The following CUX2 variants were observed in gnomAD, a reference collection of about 807,000 sequenced individuals.
The protein encoded by CUX2 is homeobox protein cut-like 2.
Under a neutral mutation model 144.8 loss-of-function variants are expected in CUX2, and 40 were observed. That is an observed-to-expected ratio of 0.28 (90% CI 0.21 to 0.36). The LOEUF is 0.36. CUX2 is among the 10% of genes least tolerant of loss of function. The pLI, the probability that CUX2 is intolerant of heterozygous loss-of-function variation, is 1.00. For missense variants in CUX2, 1,615 were observed against 1,994.0 expected (o/e 0.81, Z 3.62); for synonymous variants, 827 against 875.6 (o/e 0.94, Z 0.98).
At chr12:111,231,361 T>TGGTA (rs1222892424) in intron 3 of CUX2, among the ~76,000 whole-genome samples, 1 of 152,224 alleles carries the variant, frequency 6.6e-6, no homozygotes, top group Non-Finnish European at 1.5e-5. Flanking sequence ...TTCACACATG[T>TGGTA]GGTATTACAT....
At chr12:111,183,812 C>A (rs899401613) in intron 1 of CUX2, among the ~76,000 whole-genome samples, 3 of 152,152 alleles carry the variant, frequency 2.0e-5, no homozygotes, top group African/African-American at 7.2e-5. Flanking sequence ...GGGAGTCCCA[C>A]CACCCCCTGC....
intron 1 of CUX2, among the ~76,000 whole-genome samples, chr12:111,141,134 TAAC>T (rs1371166096): frequency 6.6e-6 from 1 of 151,920 alleles, no homozygotes; most frequent in African/African-American, 2.4e-5. Flanking sequence ...GCCGGAAAAA[TAAC>T]AATCTCAGTG....
At chr12:111,332,422 T>G (rs1178569574) in intron 18 of CUX2, among the ~76,000 whole-genome samples, 3 of 152,094 alleles carry the variant, frequency 2.0e-5, no homozygotes, top group African/African-American at 2.4e-5. Flanking sequence ...CATGAGCCAC[T>G]GCACCCGGCC....
At position 111,160,554 on chromosome 12, in the gene CUX2, T is replaced by C. The variant is rs1373976337; in HGVS notation, c.64-53646T>C. On this transcript the variant is annotated intron_variant, in intron 1 of 21. Transcript: ENST00000261726. This position sits in a 1 kb window ranked among gnomAD's most constrained non-coding sequence, Gnocchi z 4.1. ...GACCCGGCACAGAGGGGGCGCGAGA[T>C]GCGAGCAGGGAGCAGGGTGGCACTT... Among the ~76,000 whole-genome samples the C allele has an allele frequency of 6.6e-6, 1 of 152,114 alleles. No homozygotes were observed. The highest frequency in any genetic ancestry group is 6.5e-5 in the Admixed American group (1 of 15,278).
intron 1 of CUX2, among the ~76,000 whole-genome samples, chr12:111,209,405 T>G (rs1440500081): frequency 6.6e-6 from 1 of 152,140 alleles, no homozygotes; most frequent in African/African-American, 2.4e-5. Context: ...AAAAAAATTT[T>G]GTAATTCACT....
chr12:111,183,953 T>C (rs1879351820), intron 1 of CUX2, among the ~76,000 whole-genome samples: 1 of 152,210 alleles, frequency 6.6e-6, no homozygotes, highest in Admixed American at 6.5e-5. Context: ...TGCTACCTAT[T>C]GTCACCTATT....
At position 111,061,145 on chromosome 12, in the gene CUX2, G is replaced by A. The variant is rs79699192; in HGVS notation, c.63+26905G>A. 0.028 allele frequency among the ~76,000 whole-genome samples: 4,169 copies of A among 151,080 alleles called. 208 individuals carry two copies. Among genetic ancestry groups the A allele is most frequent in the African/African-American group, 0.097 (3,976 of 40,992 alleles). ...GCCGCTGATCAGTGAGTCTCTGCAGGCCCAAGCTGTCCCCAGATGTGTGCA... is the reference window on the plus strand; with the variant it reads ...GCCGCTGATCAGTGAGTCTCTGCAGACCCAAGCTGTCCCCAGATGTGTGCA... On this transcript the variant is annotated intron_variant, in intron 1 of 21. Coordinates refer to ENST00000261726, the MANE Select transcript of CUX2 (RefSeq NM_015267.4). This position sits in a 1 kb window ranked among gnomAD's most constrained non-coding sequence, Gnocchi z 4.2.
intron 1 of CUX2, among the ~76,000 whole-genome samples, chr12:111,142,758 C>A (rs563376217): frequency 6.6e-6 from 1 of 152,188 alleles, no homozygotes; most frequent in East Asian, 1.9e-4. Flanking sequence ...ATCGAGGAAC[C>A]CTGAAACTCC....
intron 1 of CUX2, among the ~76,000 whole-genome samples, chr12:111,080,218 T>G (rs1871803034): frequency 6.6e-6 from 1 of 152,110 alleles, no homozygotes. Context: ...CACAGGCTTC[T>G]CCAGCCACCC....
At position 111,087,416 on chromosome 12, in the gene CUX2, T is replaced by C. The variant is rs537835229; in HGVS notation, c.63+53176T>C. On this transcript the variant is annotated intron_variant, in intron 1 of 21. Transcript: ENST00000261726. ...AAAAGAAAGAAAAGAAAGAAAATGC[T>C]ATGAAGAAGAAGTCACCAGAGTTTT... 3.7e-4 allele frequency among the ~76,000 whole-genome samples: 54 copies of C among 145,834 alleles called. 1 individual carries two copies. The highest frequency in any genetic ancestry group is 1.3e-3 in the African/African-American group (51 of 39,642).
At chr12:111,182,798 G>T (rs1375067270) in intron 1 of CUX2, among the ~76,000 whole-genome samples, 3 of 152,164 alleles carry the variant, frequency 2.0e-5, no homozygotes, top group Non-Finnish European at 4.4e-5. Flanking sequence ...TGGGACAGTG[G>T]TCCCTGAGCC....
chr12:111,178,970 C>G lies in CUX2; in HGVS notation c.64-35230C>G, dbSNP rs1268915259. 6.6e-6 allele frequency among the ~76,000 whole-genome samples: 1 copy of G among 152,148 alleles called. No individual in the cohort carries two copies. Among genetic ancestry groups the G allele is most frequent in the Non-Finnish European group, 1.5e-5 (1 of 68,022 alleles). On this transcript the variant is annotated intron_variant, in intron 1 of 21. Transcript: ENST00000261726. This position sits in a 1 kb window ranked among gnomAD's most constrained non-coding sequence, Gnocchi z 5.7. ...AGCAGGGCTGAGAGAGGCCTGGGAG[C>G]AGACTGTGCAGGACCACACAGGGCC... is the stretch of plus-strand genomic sequence containing the variant.
At position 111,304,339 on chromosome 12, in the gene CUX2, G is replaced by A; in HGVS notation, c.858+25G>A. ...GGTAAGGATGGGGTTGGGGAAGTGAGCAGGGAGGGCAGAGGGAAAGATCGG... is the reference window on the plus strand; with the variant it reads ...GGTAAGGATGGGGTTGGGGAAGTGAACAGGGAGGGCAGAGGGAAAGATCGG... On this transcript the variant is annotated intron_variant, in intron 10 of 21. Transcript: ENST00000261726. The surrounding 1 kb of genome is among the most constrained non-coding windows in gnomAD (Gnocchi z 4.7). 6.3e-7 allele frequency: 1 copy of A among 1,579,086 alleles called. No individual in the cohort carries two copies. The highest frequency in any genetic ancestry group is 1.7e-5 in the Admixed American group (1 of 58,604).
chr12:111,121,377 T>TTC (rs1874669670), intron 1 of CUX2, among the ~76,000 whole-genome samples: 1 of 126,496 alleles, frequency 7.9e-6, no homozygotes, highest in African/African-American at 3.4e-5. Flanking sequence ...TTCTTTTTTT[T>TTC]TTTTTTTTTT....
rs187445765 is a variant in CUX2 at position 111,177,645 on chromosome 12, C to T, written c.64-36555C>T. On this transcript the variant is annotated intron_variant, in intron 1 of 21. Transcript: ENST00000261726. ...ACCTCAAGTGATCCGCCTGCCTCAA[C>T]TTCCCAAAGTGCTGGGATTACAGGC... Among the ~76,000 whole-genome samples the T allele has an allele frequency of 1.5e-3, 222 of 152,366 alleles. 1 individual carries two copies. Among genetic ancestry groups the T allele is most frequent in the African/African-American group, 5.1e-3 (214 of 41,584 alleles).
rs1368554480 is a variant in CUX2, at chr12:111,307,561, G to C, written c.1109+304G>C. Among the ~76,000 whole-genome samples, 1 of 152,162 alleles carries C rather than the reference G, an allele frequency of 6.6e-6. No individual in the cohort carries two copies. Among genetic ancestry groups the C allele is most frequent in the African/African-American group, 2.4e-5 (1 of 41,442 alleles). ...ACAATTTTAATTAGCCAGGAGTGGTGGTGATGCGTGCTGTAGTCCCAGCCA... is the reference window on the plus strand; with the variant it reads ...ACAATTTTAATTAGCCAGGAGTGGTCGTGATGCGTGCTGTAGTCCCAGCCA... On this transcript the variant is annotated intron_variant, in intron 12 of 21. Transcript: ENST00000261726. This position sits in a 1 kb window ranked among gnomAD's most constrained non-coding sequence, Gnocchi z 4.1.
rs947006163 is a variant in CUX2, at chr12:111,035,560, G to A, written c.63+1320G>A. On this transcript the variant is annotated intron_variant, in intron 1 of 21. Transcript: ENST00000261726. This position sits in a 1 kb window ranked among gnomAD's most constrained non-coding sequence, Gnocchi z 6.0. ...GCGGTTAGAGCATCCTGCCTTGACC[G>A]TGACATTCGCGGAAGACGCGAGATC... Among the ~76,000 whole-genome samples the A allele has an allele frequency of 7.2e-5, 11 of 151,858 alleles. No individual in the cohort carries two copies. Among genetic ancestry groups the A allele is most frequent in the Non-Finnish European group, 1.3e-4 (9 of 68,014 alleles).
intron 1 of CUX2, among the ~76,000 whole-genome samples, chr12:111,213,437 A>G (rs1452216114): frequency 1.3e-5 from 2 of 151,896 alleles, no homozygotes; most frequent in African/African-American, 2.4e-5. Context: ...CCCCCCTTCC[A>G]TCTCTCTCTC....
rs370806213 is a variant in CUX2, at chr12:111,184,048, G to A, written c.64-30152G>A. Among the ~76,000 whole-genome samples the A allele has an allele frequency of 2.8e-4, 42 of 152,156 alleles. No individual in the cohort carries two copies. The East Asian group carries it at 6.8e-3, about 24-fold the overall frequency. On this transcript the variant is annotated intron_variant, in intron 1 of 21. Transcript: ENST00000261726. ...CCTCGACATCCTGACCCTCATCCTC[G>A]GCATGGCTGCAGGAAAGAGGCAGTC...
Sources: allele counts gnomAD v4.1 joint callset (sites outside exome capture counted in the v4.1 genomes callset), GRCh38; gene constraint gnomAD v4.1.1; non-coding constraint Gnocchi (gnomAD v3.1); transcripts MANE v1.5; gene names NCBI Gene and HGNC (gene_info 2026-07-23, HGNC 2026-07-21).